CCDC144A: variants seen among roughly 807,000 people sequenced by gnomAD.
CCDC144A encodes the protein coiled-coil domain-containing protein 144A.
CCDC144A carries 41 observed loss-of-function variants against 143.8 expected under a neutral mutation model. The ratio of observed to expected loss-of-function variants is 0.29; its 90% confidence interval spans 0.22 to 0.37. The LOEUF (loss-of-function observed/expected upper bound fraction) is 0.37, where lower values mean the gene tolerates loss of function less well. CCDC144A is among the 10% of genes least tolerant of loss of function. The probability of loss-of-function intolerance (pLI) is 1.00; values close to 1 mark genes in which losing one functional copy is unlikely to be tolerated. For missense variants in CCDC144A, 637 were observed against 1,488.8 expected (o/e 0.43, Z 9.41); for synonymous variants, 242 against 517.9 (o/e 0.47, Z 7.23).
chr17:16,697,240 G>A (rs964125835), intron 2 of CCDC144A, among the ~76,000 whole-genome samples: 5 of 152,044 alleles, frequency 3.3e-5, no homozygotes, highest in Non-Finnish European at 7.4e-5. Context: ...TCTGGTTATG[G>A]TATAAAGCAG....
the CCDC144A span, among the ~76,000 whole-genome samples, chr17:16,670,254 A>G: frequency 2.6e-4 from 39 of 151,190 alleles, 1 homozygote; most frequent in African/African-American, 8.5e-4. Context: ...GATCTCTTTG[A>G]TGTGGTTCAA....
chr17:16,751,230 A>T (rs2143317407), intron 12 of CCDC144A, among the ~76,000 whole-genome samples: 1 of 147,554 alleles, frequency 6.8e-6, no homozygotes, highest in African/African-American at 2.5e-5. Flanking sequence ...TTTTCTCTTG[A>T]GGGTTTGTGG....
chr17:16,688,427 C>T (rs1247444514), upstream of CCDC144A, among the ~76,000 whole-genome samples: 1 of 150,784 alleles, frequency 6.6e-6, no homozygotes, highest in African/African-American at 2.5e-5. Flanking sequence ...AGAAACCACT[C>T]ATAGGGGGAA....
intron 2 of CCDC144A, among the ~76,000 whole-genome samples, chr17:16,693,561 C>T (rs1259918327): frequency 1.3e-5 from 2 of 152,120 alleles, no homozygotes; most frequent in Admixed American, 6.5e-5. Context: ...ATGATCCATC[C>T]GCCTCGGCCT....
At position 16,733,236 on chromosome 17, in the gene CCDC144A, T is replaced by C. The variant is rs541567988; in HGVS notation, c.2418+570T>C. Among the ~76,000 whole-genome samples the C allele has an allele frequency of 3.5e-4, 52 of 148,260 alleles. No individual in the cohort carries two copies. The East Asian group carries it at 9.5e-3, about 27-fold the overall frequency. On this transcript the variant is annotated intron_variant, in intron 11 of 16. Transcript: ENST00000399273. ...TGATAATTTATTGGTAAGTGTTTTT[T>C]CTTAGAAAAATAGTTCAGTGTGTGG...
At chr17:16,713,395 C>CA (rs1404787880) in intron 6 of CCDC144A, among the ~76,000 whole-genome samples, 1 of 151,968 alleles carries the variant, frequency 6.6e-6, no homozygotes, top group Non-Finnish European at 1.5e-5. Flanking sequence ...CAGTAGGAAA[C>CA]ACACCATATT....
intron 12 of CCDC144A, among the ~76,000 whole-genome samples, chr17:16,759,008 T>G (rs1270823990): frequency 6.6e-6 from 1 of 152,260 alleles, no homozygotes; most frequent in Non-Finnish European, 1.5e-5. Context: ...TTTAAGGGAA[T>G]TTGAGGCACC....
At chr17:16,719,602 C>T (rs1912970959) in intron 6 of CCDC144A, among the ~76,000 whole-genome samples, 1 of 152,056 alleles carries the variant, frequency 6.6e-6, no homozygotes, top group Admixed American at 6.6e-5. Context: ...AGTCACTTGG[C>T]CCTTCTGTGC....
At chr17:16,768,246 A>T (rs1459604606) in intron 15 of CCDC144A, among the ~76,000 whole-genome samples, 2 of 152,086 alleles carry the variant, frequency 1.3e-5, no homozygotes, top group Non-Finnish European at 2.9e-5. Flanking sequence ...GTTCCATTAG[A>T]CCCCCAATAA....
intron 15 of CCDC144A, among the ~76,000 whole-genome samples, chr17:16,769,490 T>TC (rs1409314677): frequency 6.6e-6 from 1 of 152,256 alleles, no homozygotes; most frequent in Non-Finnish European, 1.5e-5. Flanking sequence ...TTTCAGTTTT[T>TC]CTATAAATAA....
At chr17:16,744,933 G>A (rs374124286) in intron 12 of CCDC144A, among the ~76,000 whole-genome samples, 2 of 151,902 alleles carry the variant, frequency 1.3e-5, no homozygotes, top group Non-Finnish European at 1.5e-5. Flanking sequence ...ATCCCTTCCC[G>A]AACAAAATTT....
chr17:16,669,498 A>G, the CCDC144A span, among the ~76,000 whole-genome samples: 5 of 152,168 alleles, frequency 3.3e-5, no homozygotes, highest in African/African-American at 9.7e-5. Flanking sequence ...CCAATTTAAT[A>G]TTTCTGTGTG....
upstream of CCDC144A, among the ~76,000 whole-genome samples, chr17:16,685,572 G>A (rs574310316): frequency 2.6e-5 from 4 of 151,532 alleles, no homozygotes; most frequent in Non-Finnish European, 4.4e-5. Flanking sequence ...TAGTAGAGAC[G>A]GAGTTTCAAC....
At chr17:16,754,097 T>G (rs1914956348) in intron 12 of CCDC144A, among the ~76,000 whole-genome samples, 1 of 152,204 alleles carries the variant, frequency 6.6e-6, no homozygotes, top group Non-Finnish European at 1.5e-5. Context: ...TTTCCATACG[T>G]TTCCAGTTTG....
At chr17:16,726,297 C>T (rs898687914) in intron 8 of CCDC144A, among the ~76,000 whole-genome samples, 3 of 149,182 alleles carry the variant, frequency 2.0e-5, no homozygotes, top group African/African-American at 5.0e-5. Context: ...AGGAGAATGG[C>T]GTGAACCCGG....
rs1346557803 is a variant in CCDC144A, at chr17:16,777,828, T to C, written c.*4195T>C. ...ATTGGAGAAACTAGAACAGTCCAAA[T>C]CCAAACCCAGCAGAAGAAAAGAAAT... On this transcript the variant is annotated 3_prime_UTR_variant, in exon 17 of 17. Transcript: ENST00000399273. The C allele has an allele frequency of 1.4e-4, 20 of 141,168 alleles. No homozygotes were observed. The highest frequency in any genetic ancestry group is 5.8e-4 in the African/African-American group (20 of 34,204). The allele number at this position is 141,168 out of a possible 1,614,324, so 8.7% of individuals were successfully genotyped here.
chr17:16,686,091 G>GTTTTTTTTTTTT (rs67135656), upstream of CCDC144A, among the ~76,000 whole-genome samples: 7 of 114,724 alleles, frequency 6.1e-5, no homozygotes, highest in Non-Finnish European at 9.1e-5. Flanking sequence ...TGTTTTTTTT[G>GTTTTTTTTTTTT]TTTTTTTTTT....
chr17:16,692,121 G>A (rs1330424870), intron 1 of CCDC144A, among the ~76,000 whole-genome samples: 1 of 152,170 alleles, frequency 6.6e-6, no homozygotes, highest in Non-Finnish European at 1.5e-5. Context: ...CAACTTGCAT[G>A]TCTTTCATGG....
intron 9 of CCDC144A, among the ~76,000 whole-genome samples, chr17:16,729,991 T>TATATATATATATACATAC (rs1491438660): frequency 8.7e-6 from 1 of 114,886 alleles, no homozygotes; most frequent in African/African-American, 3.3e-5. Context: ...TATATATATA[T>TATATATATATATACATAC]ACACACATAC....
Sources: allele counts gnomAD v4.1 joint callset (sites outside exome capture counted in the v4.1 genomes callset), GRCh38; gene constraint gnomAD v4.1.1; transcripts MANE v1.5; gene names NCBI Gene and HGNC (gene_info 2026-07-23, HGNC 2026-07-21).